Variants in LHFPL2 observed in about 807,000 individuals in gnomAD.
LHFPL2 encodes LHFPL tetraspan subfamily member 2.
In LHFPL2, 7 loss-of-function variants were observed where a neutral mutation model predicts 17.5. The observed-to-expected ratio is 0.40, with a 90% confidence interval of 0.23 to 0.75. The LOEUF is 0.75. LHFPL2 is among the 30% of genes least tolerant of loss of function. The pLI, the probability that LHFPL2 is intolerant of heterozygous loss-of-function variation, is 0.37. For missense variants in LHFPL2, 241 were observed against 294.8 expected, an observed-to-expected ratio of 0.82 and a Z score of 1.34; for synonymous variants, 134 against 116.2, an observed-to-expected ratio of 1.15 and a Z score of -0.99.
chr5:78,579,734 G>C (rs201088214), intron 2 of LHFPL2, among the ~76,000 whole-genome samples: 1 of 152,126 alleles, frequency 6.6e-6, no homozygotes, highest in Non-Finnish European at 1.5e-5. Context: ...TCTTAATCCA[G>C]TCTTATCATT....
chr5:78,574,406 G>A (rs1048084461), intron 2 of LHFPL2, among the ~76,000 whole-genome samples: 1 of 152,192 alleles, frequency 6.6e-6, no homozygotes, highest in African/African-American at 2.4e-5. Context: ...AGAGCCAGTT[G>A]GTTGGGGTTA....
chr5:78,625,919 T>C (rs983022273), intron 2 of LHFPL2: 3 of 152,262 alleles, frequency 2.0e-5, no homozygotes, highest in African/African-American at 7.2e-5. Context: ...CTCTCTGCAT[T>C]GGCGCCAAGA....
intron 2 of LHFPL2, among the ~76,000 whole-genome samples, chr5:78,586,578 C>T (rs1743410572): frequency 6.6e-6 from 1 of 152,216 alleles, no homozygotes; most frequent in East Asian, 1.9e-4. Flanking sequence ...GCAACAGAGT[C>T]TGTAACGAAG....
At chr5:78,598,720 CAT>C (rs1269376596) in intron 2 of LHFPL2, among the ~76,000 whole-genome samples, 1 of 152,162 alleles carries the variant, frequency 6.6e-6, no homozygotes, top group Non-Finnish European at 1.5e-5. Context: ...AAATAGATCT[CAT>C]GTTTCCTTCT....
At position 78,487,494 on chromosome 5, in the gene LHFPL2, C is replaced by G. The variant is rs566568877; in HGVS notation, c.*1403G>C. 2.0e-5 allele frequency: 3 copies of G among 152,324 alleles called. No individual in the cohort carries two copies. In the South Asian group the frequency reaches 6.2e-4, roughly 32 times the overall value. The allele number at this position is 152,324 out of a possible 1,614,324, so 9.4% of individuals were successfully genotyped here. On this transcript the variant is annotated 3_prime_UTR_variant, in exon 5 of 5. Transcript: ENST00000380345. ...CCAGAAATCTGGCAGTTCCATCTCA[C>G]TTTCTTAAAGTGCTAAGGAGTGTTT...
intron 4 of LHFPL2, among the ~76,000 whole-genome samples, chr5:78,504,876 G>C (rs1754886054): frequency 6.6e-6 from 1 of 152,244 alleles, no homozygotes; most frequent in South Asian, 2.1e-4. Flanking sequence ...AGCTTGCTAA[G>C]GCTGTCCTGC....
chr5:78,541,604 T>A (rs1472094736), intron 3 of LHFPL2, among the ~76,000 whole-genome samples: 1 of 152,186 alleles, frequency 6.6e-6, no homozygotes, highest in Non-Finnish European at 1.5e-5. Context: ...GTCCCTTTCA[T>A]AAACTCTTGC....
chr5:78,537,960 G>A (rs1013293564), intron 3 of LHFPL2, among the ~76,000 whole-genome samples: 2 of 152,178 alleles, frequency 1.3e-5, no homozygotes, highest in African/African-American at 4.8e-5. Flanking sequence ...CAGGGATGGG[G>A]AATGTGTGAG....
intron 4 of LHFPL2, among the ~76,000 whole-genome samples, chr5:78,501,164 C>T (rs1303777169): frequency 2.6e-5 from 4 of 152,244 alleles, no homozygotes; most frequent in African/African-American, 4.8e-5. Flanking sequence ...GGGAGGGCAA[C>T]ATTTTTTATT....
chr5:78,521,801 G>T (rs922145081), intron 3 of LHFPL2, among the ~76,000 whole-genome samples: 1 of 152,188 alleles, frequency 6.6e-6, no homozygotes, highest in African/African-American at 2.4e-5. Flanking sequence ...GCTCCAATCT[G>T]CCATTTAGCA....
In LHFPL2 at chr5:78,594,441, C is replaced by G. The variant is rs72760994; in HGVS notation, c.-244-29570G>C. Among the ~76,000 whole-genome samples, 1,270 of 152,286 alleles carry G rather than the reference C, an allele frequency of 8.3e-3. 11 individuals carry two copies. Among genetic ancestry groups the G allele is most frequent in the Non-Finnish European group, 0.011 (777 of 68,026 alleles). Reference sequence around the variant, plus strand: ...GGTTAAATCAAGTTTCTAGCACATACATAATAGATAGAAGCTATTATTCAC... The same window carrying G: ...GGTTAAATCAAGTTTCTAGCACATAGATAATAGATAGAAGCTATTATTCAC... On this transcript the variant is annotated intron_variant, in intron 2 of 4. Coordinates refer to ENST00000380345, the MANE Select transcript of LHFPL2 (RefSeq NM_005779.3).
chr5:78,641,922 C>CACACACACACACAT (rs1554061972), intron 1 of LHFPL2: 3 of 132,256 alleles, frequency 2.3e-5, no homozygotes, highest in East Asian at 2.0e-4. Flanking sequence ...CACACACACA[C>CACACACACACACAT]ACACACACAC....
chr5:78,639,923 C>G (rs1490729099), intron 1 of LHFPL2, among the ~76,000 whole-genome samples: 3 of 152,224 alleles, frequency 2.0e-5, no homozygotes, highest in African/African-American at 7.2e-5. Context: ...CAATTACAGC[C>G]TTCCTTAAAC....
intron 2 of LHFPL2, among the ~76,000 whole-genome samples, chr5:78,570,833 G>T (rs1185956639): frequency 6.6e-6 from 1 of 152,050 alleles, no homozygotes; most frequent in East Asian, 1.9e-4. Flanking sequence ...AATAGGCCAG[G>T]CAAACAGGTG....
At chr5:78,593,022 T>C (rs1362234177) in intron 2 of LHFPL2, among the ~76,000 whole-genome samples, 1 of 152,176 alleles carries the variant, frequency 6.6e-6, no homozygotes, top group African/African-American at 2.4e-5. Flanking sequence ...TTTATCACAA[T>C]TAAAAACAAA....
chr5:78,551,803 A>T (rs1328983787), intron 3 of LHFPL2, among the ~76,000 whole-genome samples: 2 of 152,152 alleles, frequency 1.3e-5, no homozygotes, highest in African/African-American at 4.8e-5. Flanking sequence ...GCCTTAAAGA[A>T]ATTTTCTGAT....
rs34830490 is a variant in LHFPL2, at chr5:78,599,475, ATTT to A, written c.-245+32786_-245+32788del. Among the ~76,000 whole-genome samples, 584 of 143,336 alleles carry A rather than the reference ATTT, an allele frequency of 4.1e-3. 4 individuals are homozygous for A. The highest frequency in any genetic ancestry group is 0.012 in the African/African-American group (483 of 39,076). 94.0% of individuals were successfully genotyped at this position (143,336 alleles called of 152,430 possible). On this transcript the variant is annotated intron_variant, in intron 2 of 4. Coordinates refer to ENST00000380345, the MANE Select transcript of LHFPL2 (RefSeq NM_005779.3). ...CCATCATGCCCGGCTAATTTTTTGT[ATTT>A]TTTTTTTTTTTTAGTAGAGACAGGG...
chr5:78,529,747 G>A (rs1334219487), intron 3 of LHFPL2, among the ~76,000 whole-genome samples: 2 of 152,184 alleles, frequency 1.3e-5, no homozygotes, highest in Non-Finnish European at 2.9e-5. Context: ...TGCAATATTA[G>A]AGAGTCTCAA....
chr5:78,625,201 A>G (rs1338012744), intron 2 of LHFPL2: 1 of 124,998 alleles, frequency 8.0e-6, no homozygotes, highest in Non-Finnish European at 1.6e-5. Context: ...GCAGCATTCT[A>G]TACGTACACA....
Sources: gnomAD v4.1 joint callset for allele counts (sites outside exome capture counted in the v4.1 genomes callset) on GRCh38, gnomAD v4.1.1 for gene constraint, MANE v1.5 for transcripts, NCBI Gene and HGNC (gene_info 2026-07-23, HGNC 2026-07-21) for gene names.